RRBP1: variants seen among roughly 807,000 people sequenced by gnomAD.
The protein encoded by RRBP1 is ribosome binding protein 1, also known as ribosome-binding protein 1.
In RRBP1, 94 loss-of-function variants were observed where a neutral mutation model predicts 165.2. The ratio of observed to expected loss-of-function variants is 0.57; its 90% CI spans 0.48 to 0.68. The LOEUF (loss-of-function observed/expected upper bound fraction) is 0.68, where lower values mean the gene tolerates loss of function less well. Ranked by LOEUF, RRBP1 falls within the 30% of genes least tolerant of loss-of-function variation. The pLI is 0.00. For synonymous variants in RRBP1, 680 were observed against 714.5 expected (o/e 0.95, Z 0.77); for missense variants, 1,676 against 1,763.0 (o/e 0.95, Z 0.88).
intron 1 of RRBP1, among the ~76,000 whole-genome samples, chr20:17,681,123 G>A (rs1389426329): frequency 1.3e-5 from 2 of 151,458 alleles, no homozygotes; most frequent in East Asian, 2.0e-4. Context: ...CAGGCCGGGT[G>A]CCAGCGCGCT....
chr20:17,620,470 G>T, intron 17 of RRBP1, 100 bp from the exon 18 acceptor site: 3 of 1,123,322 alleles, frequency 2.7e-6, no homozygotes, highest in Non-Finnish European at 1.3e-6. Flanking sequence ...AACTTAGGAA[G>T]CCCCGGGGGT....
chr20:17,625,405 C>T (rs879583242), intron 12 of RRBP1, 107 bp downstream of exon 12: 6 of 955,748 alleles, frequency 6.3e-6, no homozygotes, highest in Non-Finnish European at 9.8e-6. Context: ...GAAACACAAG[C>T]TCAGCCCTCC....
At chr20:17,652,880 A>T (rs1199163816) in intron 3 of RRBP1, among the ~76,000 whole-genome samples, 3 of 152,248 alleles carry the variant, frequency 2.0e-5, no homozygotes, top group Non-Finnish European at 4.4e-5. Context: ...GGAACATGAA[A>T]ACTCCACATA....
Position 17,660,525 on chromosome 20 carries a change from T to G in RRBP1, c.-18A>C. 9 of 1,579,298 alleles carry G rather than the reference T, an allele frequency of 5.7e-6. No homozygotes were observed. Among genetic ancestry groups the G allele is most frequent in the Non-Finnish European group, 6.9e-6 (8 of 1,151,218 alleles). On this transcript the variant is annotated 5_prime_UTR_variant, in exon 3 of 25. Transcript: ENST00000377813. Reference sequence around the variant, plus strand: ...ATATCCATCCTGGCTTGCTTTCCTTTCACCTGTCAAACATACATGGAGGTT... The same window carrying G: ...ATATCCATCCTGGCTTGCTTTCCTTGCACCTGTCAAACATACATGGAGGTT...
At chr20:17,620,527 T>C (rs1304236372) in intron 17 of RRBP1, 157 bp from the exon 18 acceptor site, 1 of 830,548 alleles carries the variant, frequency 1.2e-6, no homozygotes, top group Admixed American at 1.9e-5. Context: ...CATCTGGCAG[T>C]GTCTTCCTAG....
chr20:17,663,665 C>T (rs1220355688), intron 2 of RRBP1, among the ~76,000 whole-genome samples: 1 of 152,182 alleles, frequency 6.6e-6, no homozygotes, highest in East Asian at 1.9e-4. Context: ...TTCAGTGAGG[C>T]GTAAACATCA....
chr20:17,614,904 C>T, intron 23 of RRBP1, 24 bp from the exon 24 acceptor site: 1 of 1,610,678 alleles, frequency 6.2e-7, no homozygotes, highest in Non-Finnish European at 8.5e-7. Flanking sequence ...GGTTGACGGG[C>T]ATCAGCCCTT....
rs1211397507 is a variant in RRBP1 at position 17,618,542 on chromosome 20, C to T, written c.3759+54G>A. ...ACGCATGACTGGCAAATGCATCTCA[C>T]ACACGCAACGCCCCAGGTCACACTC... On this transcript the variant is annotated intron_variant, in intron 20 of 24. Transcript: ENST00000377813. 5.2e-6 allele frequency: 7 copies of T among 1,339,924 alleles called. No homozygotes were observed. In the African/African-American group the frequency reaches 1.0e-4, roughly 19 times the overall value. 83.0% of individuals were successfully genotyped at this position (1,339,924 alleles called of 1,614,324 possible).
At chr20:17,641,421 C>T (rs779061833) in intron 5 of RRBP1, 1 of 242,792 alleles carries the variant, frequency 4.1e-6, no homozygotes, top group Non-Finnish European at 8.1e-6. Flanking sequence ...TCTACTGTGG[C>T]CACCCTCCTT....
In RRBP1 at chr20:17,641,777, C is replaced by G. The variant is rs750434091; in HGVS notation, c.2184+20G>C. 2 of 1,610,682 alleles carry G rather than the reference C, an allele frequency of 1.2e-6. No homozygotes were observed. Among genetic ancestry groups the G allele is most frequent in the African/African-American group, 1.3e-5 (1 of 74,852 alleles). ...AGGACGGGAGAGGACAAACCATCTC[C>G]GAGCCCACTCAGGCTGTACCTTGTT... is the stretch of plus-strand genomic sequence containing the variant. On this transcript the variant is annotated intron_variant, in intron 5 of 24. Coordinates refer to ENST00000377813, the MANE Select transcript of RRBP1 (RefSeq NM_001365613.2).
intron 4 of RRBP1, 74 bp downstream of exon 4, chr20:17,642,905 G>GT: frequency 6.8e-7 from 1 of 1,478,994 alleles, no homozygotes; most frequent in Non-Finnish European, 9.3e-7. Flanking sequence ...CCTCTCTGTG[G>GT]CAGAGGGAAG....
In RRBP1 at chr20:17,614,183, C is replaced by CA. The variant is rs1164120478; in HGVS notation, c.4231dup (p.Ter1411LeufsTer24). 1.2e-6 allele frequency: 2 copies of CA among 1,613,952 alleles called. No individual in the cohort carries two copies. The highest frequency in any genetic ancestry group is 1.7e-6 in the Non-Finnish European group (2 of 1,179,952). ...AACTTCTTTTTCCAAAGAGGAAACT[C>CA]AGACAGAGGTGCCCTCCTTTGAGCT... On this transcript the variant is annotated frameshift_variant and stop_lost, in exon 25 of 25. Coordinates refer to ENST00000377813, the MANE Select transcript of RRBP1 (RefSeq NM_001365613.2). LOFTEE classifies it high-confidence loss of function.
intron 22 of RRBP1, 79 bp from the exon 23 acceptor site, chr20:17,615,608 G>A: frequency 2.5e-6 from 3 of 1,206,046 alleles, no homozygotes; most frequent in South Asian, 3.3e-5. Flanking sequence ...GAGCACGCCT[G>A]GGGACCAGGG....
At chr20:17,642,816 A>G (rs891843320) in intron 4 of RRBP1, among the ~76,000 whole-genome samples, 163 bp downstream of exon 4, 2 of 152,188 alleles carry the variant, frequency 1.3e-5, no homozygotes, top group African/African-American at 4.8e-5. Context: ...GCTTGACAGA[A>G]GCCAAAGCAC....
rs951570863 is a variant in RRBP1, at chr20:17,653,928, A to G, written c.1912+4668T>C. Among the ~76,000 whole-genome samples the G allele has an allele frequency of 5.3e-5, 8 of 152,282 alleles. No individual in the cohort carries two copies. The East Asian group carries it at 9.6e-4, about 18-fold the overall frequency. ...CACAACCCCCAGCCACCAAAGACCA[A>G]TGTTGATGGGGACATTAATATCAGA... is the stretch of plus-strand genomic sequence containing the variant. On this transcript the variant is annotated intron_variant, in intron 3 of 24. Transcript: ENST00000377813.
chr20:17,633,588 G>A lies in RRBP1; in HGVS notation c.2482C>T (p.Arg828Trp), dbSNP rs1261503459. The change falls in exon 8 of 25, where the codon CGG (arginine) becomes TGG (tryptophan). Residue 828 changes from arginine (R) to tryptophan (W), a missense_variant. Arg to Trp is a moderately radical substitution (Grantham distance 101). Around this residue, in one of 5 missense-constraint regions of RRBP1, gnomAD observed 1,184 missense variants for 1,167.1 expected, o/e 1.01. Coordinates refer to ENST00000377813, the MANE Select transcript of RRBP1 (RefSeq NM_001365613.2). ...TTGCTGACCTTGCTGAGCTCCTGCC[G>A]AAGCTTGGCCAGCTCTGCGTTCTGC... ...SKQNAELAKL[R>W]QELSKVSKEL... 16 of 1,613,958 alleles carry A rather than the reference G, an allele frequency of 9.9e-6. No individual in the cohort carries two copies. The highest frequency in any genetic ancestry group is 1.4e-5 in the Non-Finnish European group (16 of 1,180,010).
intron 2 of RRBP1, among the ~76,000 whole-genome samples, chr20:17,672,118 T>G (rs1170684332): frequency 1.3e-5 from 2 of 152,310 alleles, no homozygotes; most frequent in East Asian, 3.9e-4. Context: ...ATCCCGACAC[T>G]GCCAACCCCT....
chr20:17,634,745 C>G (rs1478349690), intron 7 of RRBP1, among the ~76,000 whole-genome samples: 1 of 152,216 alleles, frequency 6.6e-6, no homozygotes, highest in Non-Finnish European at 1.5e-5. Context: ...TTTGGGGAAA[C>G]AGCAGCCACA....
chr20:17,670,237 C>G (rs987035671), intron 2 of RRBP1, among the ~76,000 whole-genome samples: 23 of 152,088 alleles, frequency 1.5e-4, no homozygotes, highest in African/African-American at 5.3e-4. Flanking sequence ...AAACGTTAAA[C>G]CAAGTTTGAA....
Sources: gnomAD v4.1 joint callset for allele counts (sites outside exome capture counted in the v4.1 genomes callset) on GRCh38, gnomAD v4.1.1 for gene constraint, gnomAD v4.1.1 regional missense constraint, MANE v1.5 for transcripts, NCBI Gene and HGNC (gene_info 2026-07-23, HGNC 2026-07-21) for gene names.